Variants in CDH18 observed in about 807,000 individuals in gnomAD.
CDH18 encodes the protein cadherin-18.
CDH18 carries 31 observed loss-of-function variants against 67.9 expected under a neutral mutation model. The ratio of observed to expected loss-of-function variants is 0.46; its 90% CI spans 0.34 to 0.62. The LOEUF is 0.62. CDH18 is among the 20% of genes least tolerant of loss of function. The pLI is 0.01. For missense variants in CDH18, 890 were observed against 975.5 expected, an observed-to-expected ratio of 0.91 and a Z score of 1.17; for synonymous variants, 362 against 347.2, an observed-to-expected ratio of 1.04 and a Z score of -0.48.
intron 2 of CDH18, among the ~76,000 whole-genome samples, chr5:19,997,925 A>C (rs2150396616): frequency 6.6e-6 from 1 of 152,328 alleles, no homozygotes. Context: ...AATGACAGGA[A>C]GAAGGCAGAG....
At chr5:20,221,379 A>G (rs1741209172) in intron 2 of CDH18, among the ~76,000 whole-genome samples, 1 of 152,178 alleles carries the variant, frequency 6.6e-6, no homozygotes, top group African/African-American at 2.4e-5. Context: ...CAAAATTCAC[A>G]TGTTTCCACT....
intron 2 of CDH18, among the ~76,000 whole-genome samples, chr5:20,157,647 T>G (rs1751637878): frequency 7.0e-6 from 1 of 142,294 alleles, no homozygotes; most frequent in African/African-American, 2.6e-5. Flanking sequence ...TTAACCCACT[T>G]TTTTTTTTTT....
chr5:20,096,003 A>T (rs1195766552), intron 2 of CDH18, among the ~76,000 whole-genome samples: 1 of 152,150 alleles, frequency 6.6e-6, no homozygotes, highest in African/African-American at 2.4e-5. Context: ...AACAATTTTT[A>T]AAAGCGATTT....
chr5:19,962,395 A>AAACAAAAAAAAAAAAAAAAAAAAAAT (rs58319680), intron 2 of CDH18, among the ~76,000 whole-genome samples: 1 of 117,058 alleles, frequency 8.5e-6, no homozygotes, highest in Non-Finnish European at 1.7e-5. Context: ...AAAAAAAAAA[A>AAACAAAAAAAAAAAAAAAAAAAAAAT]AGAAAATTCA....
intron 8 of CDH18, among the ~76,000 whole-genome samples, chr5:19,570,317 C>T (rs1741171435): frequency 6.6e-6 from 1 of 152,060 alleles, no homozygotes; most frequent in Admixed American, 6.6e-5. Context: ...TTTACCGATC[C>T]TCCTTCTTCA....
intron 2 of CDH18, among the ~76,000 whole-genome samples, chr5:19,979,604 C>T (rs1183223539): frequency 1.3e-5 from 2 of 152,044 alleles, no homozygotes; most frequent in African/African-American, 4.8e-5. Flanking sequence ...AGAATTAGTA[C>T]TAAATGAGAG....
chr5:19,897,242 G>A (rs1789445594), intron 2 of CDH18, among the ~76,000 whole-genome samples: 1 of 151,922 alleles, frequency 6.6e-6, no homozygotes, highest in Non-Finnish European at 1.5e-5. Context: ...AAGCCACAGT[G>A]AAAAAAAGAA....
rs577420828 is a variant in CDH18, at chr5:19,856,309, A to T, written c.-256-17067T>A. 3.3e-5 allele frequency among the ~76,000 whole-genome samples: 5 copies of T among 152,292 alleles called. No homozygotes were observed. In the South Asian group the frequency reaches 1.0e-3, roughly 32 times the overall value. On this transcript the variant is annotated intron_variant, in intron 2 of 12. Coordinates refer to ENST00000382275, the MANE Select transcript of CDH18 (RefSeq NM_004934.5). ...ATTATGGTACTAATGTTTATAATGT[A>T]CTGCCCTAAAATTTTATACACCCAA... is the stretch of plus-strand genomic sequence containing the variant.
intron 8 of CDH18, among the ~76,000 whole-genome samples, chr5:19,565,109 G>A (rs998186928): frequency 1.3e-5 from 2 of 152,040 alleles, no homozygotes; most frequent in Non-Finnish European, 2.9e-5. Context: ...CTGGGCTGTG[G>A]AACATGAGAG....
chr5:20,077,476 G>A (rs145286001), intron 2 of CDH18, among the ~76,000 whole-genome samples: 7 of 152,228 alleles, frequency 4.6e-5, no homozygotes, highest in African/African-American at 1.4e-4. Flanking sequence ...CCCTAGGCTG[G>A]GATGGCAGTA....
chr5:19,701,835 T>C (rs1763285469), intron 5 of CDH18, among the ~76,000 whole-genome samples: 1 of 152,086 alleles, frequency 6.6e-6, no homozygotes, highest in African/African-American at 2.4e-5. Context: ...ACTTCCCTAT[T>C]ATCTAAAACC....
At chr5:19,936,142 C>T (rs1236215483) in intron 2 of CDH18, among the ~76,000 whole-genome samples, 1 of 151,242 alleles carries the variant, frequency 6.6e-6, no homozygotes, top group Non-Finnish European at 1.5e-5. Flanking sequence ...GTTGCCTGTG[C>T]TCTTTCTGTC....
intron 1 of CDH18, among the ~76,000 whole-genome samples, chr5:20,274,532 T>G (rs10941683): frequency 0.12 from 17,783 of 152,140 alleles, 1,574 homozygotes; most frequent in African/African-American, 0.24. Context: ...TATCTTGATT[T>G]TTGCAATGGC....
chr5:20,065,702 G>A (rs1742921579), intron 2 of CDH18, among the ~76,000 whole-genome samples: 1 of 151,960 alleles, frequency 6.6e-6, no homozygotes, highest in South Asian at 2.1e-4. Context: ...ACTATTTCAT[G>A]TAATTTATTA....
intron 1 of CDH18, among the ~76,000 whole-genome samples, chr5:20,502,036 T>C (rs1042164590): frequency 2.6e-5 from 4 of 152,030 alleles, no homozygotes; most frequent in African/African-American, 9.7e-5. Flanking sequence ...GTAAACAGTG[T>C]GTATCTTTTA....
At chr5:19,875,933 G>T in intron 2 of CDH18, among the ~76,000 whole-genome samples, 1 of 151,334 alleles carries the variant, frequency 6.6e-6, no homozygotes. Context: ...AATTTCAACA[G>T]GACAATTAAA....
intron 2 of CDH18, among the ~76,000 whole-genome samples, chr5:20,024,490 A>G (rs1179066802): frequency 6.6e-6 from 1 of 152,204 alleles, no homozygotes; most frequent in Non-Finnish European, 1.5e-5. Context: ...GCACATTTTT[A>G]AACTATAGAA....
At chr5:19,602,608 C>T (rs1244375752) in intron 6 of CDH18, among the ~76,000 whole-genome samples, 2 of 151,924 alleles carry the variant, frequency 1.3e-5, no homozygotes, top group African/African-American at 4.8e-5. Flanking sequence ...AACTCTTGTG[C>T]CCTGTTAGTG....
chr5:20,316,611 A>G (rs1011280907), intron 1 of CDH18, among the ~76,000 whole-genome samples: 3 of 152,058 alleles, frequency 2.0e-5, no homozygotes, highest in Non-Finnish European at 2.9e-5. Context: ...GAGATAAGCC[A>G]CTAATTAGAG....
Sources: gnomAD v4.1 joint callset for allele counts (sites outside exome capture counted in the v4.1 genomes callset) on GRCh38, gnomAD v4.1.1 for gene constraint, MANE v1.5 for transcripts, NCBI Gene and HGNC (gene_info 2026-07-23, HGNC 2026-07-21) for gene names.